Variants in SACS observed in about 807,000 individuals in gnomAD.
SACS encodes the protein sacsin.
In SACS, 197 loss-of-function variants were observed where a neutral mutation model predicts 348.0. The ratio of observed to expected loss-of-function variants is 0.57; its 90% CI spans 0.50 to 0.64. The LOEUF (loss-of-function observed/expected upper bound fraction) is 0.64, where lower values mean the gene tolerates loss of function less well. SACS is among the 30% of genes least tolerant of loss of function. SACS has a pLI of 0.00. For missense variants in SACS, 4,999 were observed against 5,360.8 expected (o/e 0.93, Z 2.11); for synonymous variants, 1,985 against 1,910.6 (o/e 1.04, Z -1.02).
chr13:23,388,300 C>T (rs2137888227), intron 2 of SACS, among the ~76,000 whole-genome samples: 1 of 147,244 alleles, frequency 6.8e-6, no homozygotes, highest in South Asian at 2.1e-4. Flanking sequence ...CGCCACTGCA[C>T]TCCAGCGTGG....
At chr13:23,381,629 T>C (rs1872062703) in intron 2 of SACS, among the ~76,000 whole-genome samples, 1 of 152,230 alleles carries the variant, frequency 6.6e-6, no homozygotes, top group African/African-American at 2.4e-5. Flanking sequence ...ATAGAATCCC[T>C]AGACGTTGAT....
chr13:23,350,734 C>A (rs1869896116), intron 9 of SACS, among the ~76,000 whole-genome samples: 1 of 152,122 alleles, frequency 6.6e-6, no homozygotes, highest in Admixed American at 6.5e-5. Flanking sequence ...CTGTGATGCT[C>A]CCTACCATAT....
At chr13:23,385,733 C>T (rs947715346) in intron 2 of SACS, among the ~76,000 whole-genome samples, 1 of 152,064 alleles carries the variant, frequency 6.6e-6, no homozygotes, top group Non-Finnish European at 1.5e-5. Context: ...TGCCCAGATC[C>T]GTCAGAGGAA....
intron 2 of SACS, among the ~76,000 whole-genome samples, chr13:23,405,738 A>AC (rs1873177036): frequency 1.3e-5 from 2 of 152,200 alleles, no homozygotes; most frequent in Admixed American, 1.3e-4. Context: ...AAGGATATGA[A>AC]CAGACACTTC....
chr13:23,427,856 TCTC>T (rs1248704488), intron 1 of SACS: 2 of 152,214 alleles, frequency 1.3e-5, no homozygotes. Context: ...AAGAAAGGCC[TCTC>T]CTGCAGGAAT....
chr13:23,368,591 G>A, intron 4 of SACS, 104 bp from the exon 5 acceptor site: 1 of 805,570 alleles, frequency 1.2e-6, no homozygotes. Flanking sequence ...ACAAGTTATG[G>A]TTGCATATAT....
rs1555252465 is a variant in SACS at position 23,339,707 on chromosome 13, AG to A, written c.4168del (p.Ile1391SerfsTer2). The part of the protein sequence containing the change: ...PIHHSKNPSK[L>X]IMKPIHECCY... The stretch of plus-strand genomic sequence containing the variant: ...GCATTCGTGAATTGGCTTCATGATA[AG>A]TTTAGAAGGATTTTTGCTATGATGT... On this transcript the variant is annotated frameshift_variant, in exon 10 of 10. Coordinates refer to ENST00000382292, the MANE Select transcript of SACS (RefSeq NM_014363.6). LOFTEE classifies it high-confidence loss of function. The A allele has an allele frequency of 6.2e-7, 1 of 1,614,136 alleles. No individual in the cohort carries two copies. Among genetic ancestry groups the A allele is most frequent in the Admixed American group, 1.7e-5 (1 of 60,030 alleles).
chr13:23,387,990 T>A (rs925144706), intron 2 of SACS, among the ~76,000 whole-genome samples: 19 of 152,308 alleles, frequency 1.2e-4, no homozygotes, highest in Non-Finnish European at 2.8e-4. Context: ...ACTTACACAC[T>A]GCTGATGGGA....
chr13:23,397,693 C>A (rs992869458), intron 2 of SACS, among the ~76,000 whole-genome samples: 3 of 152,140 alleles, frequency 2.0e-5, no homozygotes, highest in African/African-American at 7.2e-5. Flanking sequence ...ATGTTACCAC[C>A]TCTATTTACT....
Position 23,330,741 on chromosome 13 carries a change from T to G in SACS, c.13135A>C (p.Thr4379Pro). The part of the protein sequence containing the change: ...DQNADRASRR[T>P]FSTSASRFQS... ...AATCGGGATGCTGAGGTTGAAAATG[T>G]TCGTCTGGAGGCCCTGTCTGCATTT... The change falls in exon 10 of 10, where the codon ACA becomes CCA. Residue 4379 changes from threonine (T) to proline (P), a missense_variant. Thr to Pro is a conservative substitution (Grantham distance 38, BLOSUM62 -1). Transcript: ENST00000382292. 18 of 1,614,080 alleles carry G rather than the reference T, an allele frequency of 1.1e-5. No individual in the cohort carries two copies. Among genetic ancestry groups the G allele is most frequent in the Non-Finnish European group, 1.5e-5 (18 of 1,179,932 alleles).
rs543181884 is a variant in SACS, at chr13:23,374,940, G to C, written c.171+179C>G. On this transcript the variant is annotated intron_variant, in intron 3 of 9. Coordinates refer to ENST00000382292, the MANE Select transcript of SACS (RefSeq NM_014363.6). ...AAATGATGGGTGGGGTTCGGGGTGGGGGATGCAAACGGAAAAGGCAAGTGA... is the reference window on the plus strand; with the variant it reads ...AAATGATGGGTGGGGTTCGGGGTGGCGGATGCAAACGGAAAAGGCAAGTGA... Among the ~76,000 whole-genome samples the C allele has an allele frequency of 9.9e-5, 15 of 152,268 alleles. No homozygotes were observed. The South Asian group carries it at 3.1e-3, about 32-fold the overall frequency.
intron 1 of SACS, among the ~76,000 whole-genome samples, chr13:23,422,996 C>T (rs1322203929): frequency 2.0e-5 from 3 of 152,114 alleles, no homozygotes; most frequent in African/African-American, 7.2e-5. Context: ...TTCCATTAAA[C>T]AAGTTGTAAA....
rs967177778 is a variant in SACS at position 23,333,127 on chromosome 13, C to T, written c.10749G>A (p.Val3583=). ...TTAGTCCAATATTTCTTAAGAATTC[C>T]ACCCAGGATGTCATAAATGTAACAT... ...KNHVTFMTSW[V]EFLRNIGLKY... The change falls in exon 10 of 10, where the codon GTG becomes GTA. Residue 3583 remains valine (V), a synonymous_variant. Transcript: ENST00000382292. The T allele has an allele frequency of 3.1e-6, 5 of 1,613,404 alleles. No homozygotes were observed. The highest frequency in any genetic ancestry group is 4.2e-6 in the Non-Finnish European group (5 of 1,179,648).
chr13:23,333,062 T>C lies in SACS; in HGVS notation c.10814A>G (p.Lys3605Arg). 2 of 1,614,004 alleles carry C rather than the reference T, an allele frequency of 1.2e-6. No individual in the cohort carries two copies. The change falls in exon 10 of 10, where the codon AAG (lysine) becomes AGG (arginine). Residue 3605 changes from lysine to arginine, a missense_variant. Physicochemically the swap from Lys to Arg is conservative, Grantham distance 26 (BLOSUM62 2). Transcript: ENST00000382292. ...LSQQQLLQFA[K>R]EISVRANTEN... ...TGTATTAGCCCTCACACTGATTTCC[T>C]TAGCAAACTGTAACAACTGCTGCTG...
Position 23,404,147 on chromosome 13 carries a change from G to A in SACS, c.20+7073C>T, listed in dbSNP as rs1873105125. Among the ~76,000 whole-genome samples, 3 of 152,158 alleles carry A rather than the reference G, an allele frequency of 2.0e-5. No individual in the cohort carries two copies. The South Asian group carries it at 6.2e-4, about 32-fold the overall frequency. On this transcript the variant is annotated intron_variant, in intron 2 of 9. Transcript: ENST00000382292. The stretch of plus-strand genomic sequence containing the variant: ...ATTTGCGTTCTTTTGCATTTGCTGA[G>A]GAGTGTTTCACTTCCAATTATGTGG...
At chr13:23,422,030 C>A (rs1873969840) in intron 1 of SACS, among the ~76,000 whole-genome samples, 1 of 152,068 alleles carries the variant, frequency 6.6e-6, no homozygotes. Context: ...GGGCGTCCAC[C>A]TATGGTGTAT....
intron 2 of SACS, among the ~76,000 whole-genome samples, chr13:23,378,937 A>G (rs151147384): frequency 7.2e-4 from 110 of 152,358 alleles, no homozygotes; most frequent in African/African-American, 2.4e-3. Flanking sequence ...GAAATAATAT[A>G]AAAAGGGAAT....
intron 9 of SACS, 51 bp downstream of exon 9, chr13:23,353,734 A>T (rs778798848): frequency 9.5e-7 from 1 of 1,054,260 alleles, no homozygotes; most frequent in Admixed American, 2.1e-5. Flanking sequence ...CTTTTAAAAA[A>T]CTTGTATTTT....
In SACS at chr13:23,338,890, C is replaced by T. The variant is rs755523201; in HGVS notation, c.4986G>A (p.Thr1662=). 2.9e-5 allele frequency: 47 copies of T among 1,612,918 alleles called. No homozygotes were observed. Among genetic ancestry groups the T allele is most frequent in the South Asian group, 2.3e-4 (21 of 90,860 alleles). ...AATAAATATCTGCTGTATTGTAGCA[C>T]GTACTACTAACTTCACTCACTTTTG... ...QEAKVSEVSS[T]CYNTADIYSL... The change falls in exon 10 of 10, where the codon ACG becomes ACA. Residue 1662 remains threonine (T), a synonymous_variant. Transcript: ENST00000382292.
Sources: allele counts gnomAD v4.1 joint callset (sites outside exome capture counted in the v4.1 genomes callset), GRCh38; gene constraint gnomAD v4.1.1; transcripts MANE v1.5; gene names NCBI Gene and HGNC (gene_info 2026-07-23, HGNC 2026-07-21).